FBXO42: variants seen among roughly 807,000 people sequenced by gnomAD.
FBXO42 encodes F-box only protein 42.
Under a neutral mutation model 71.7 loss-of-function variants are expected in FBXO42, and 12 were observed. The ratio of observed to expected loss-of-function variants is 0.17; its 90% confidence interval spans 0.11 to 0.27. The LOEUF is 0.27. Among genes scored for constraint, FBXO42 ranks in the 10% least tolerant of loss-of-function variants. The pLI is 1.00. For synonymous variants in FBXO42, 325 were observed against 327.5 expected (o/e 0.99, Z 0.08); for missense variants, 707 against 911.9 (o/e 0.78, Z 2.89).
chr1:16,300,633 T>C (rs1229095647), intron 3 of FBXO42, among the ~76,000 whole-genome samples: 1 of 152,158 alleles, frequency 6.6e-6, no homozygotes, highest in African/African-American at 2.4e-5. Context: ...AGAACATATT[T>C]GATAAGGTCT....
chr1:16,267,284 C>G (rs139813996), intron 4 of FBXO42, among the ~76,000 whole-genome samples: 1 of 152,226 alleles, frequency 6.6e-6, no homozygotes, highest in East Asian at 1.9e-4. Context: ...GATACAAGTA[C>G]ATAATGCTTT....
chr1:16,303,664 T>C (rs547782473), intron 3 of FBXO42, among the ~76,000 whole-genome samples: 2 of 151,698 alleles, frequency 1.3e-5, no homozygotes, highest in African/African-American at 4.8e-5. Flanking sequence ...GCCTCCCGGG[T>C]TCAAGTGATT....
At chr1:16,334,525 A>G (rs1249934762) in intron 1 of FBXO42, among the ~76,000 whole-genome samples, 1 of 152,096 alleles carries the variant, frequency 6.6e-6, no homozygotes, top group African/African-American at 2.4e-5. Context: ...GGTCTATGTT[A>G]AACAGTCCAC....
At chr1:16,288,451 A>AC (rs1170207717) in intron 4 of FBXO42, among the ~76,000 whole-genome samples, 5 of 139,842 alleles carry the variant, frequency 3.6e-5, no homozygotes, top group Admixed American at 3.4e-4. Context: ...AATAAAAATA[A>AC]AAATAATAAT....
Position 16,250,368 on chromosome 1 carries a change from A to AG in FBXO42, c.*301dup, listed in dbSNP as rs573646798. 2.8e-3 allele frequency: 432 copies of AG among 153,370 alleles called. 1 individual carries two copies. The highest frequency in any genetic ancestry group is 4.7e-3 in the Non-Finnish European group (322 of 68,558). 9.5% of individuals were successfully genotyped at this position (153,370 alleles called of 1,614,324 possible). On this transcript the variant is annotated 3_prime_UTR_variant, in exon 10 of 10. Coordinates refer to ENST00000375592, the MANE Select transcript of FBXO42 (RefSeq NM_018994.3). This position sits in a 1 kb window ranked among gnomAD's most constrained non-coding sequence, Gnocchi z 4.7. ...TCTCTAACTTCTTGGTCTAGTTACC[A>AG]GCAAGGTAGAAAAAGGCAGCCCAGC...
chr1:16,302,698 C>T (rs1057452393), intron 3 of FBXO42, among the ~76,000 whole-genome samples: 10 of 152,070 alleles, frequency 6.6e-5, no homozygotes, highest in Admixed American at 2.0e-4. Flanking sequence ...TTAGTAGAGA[C>T]GGGGTTTCAC....
At chr1:16,257,620 T>G (rs2081659720) in intron 4 of FBXO42, among the ~76,000 whole-genome samples, 1 of 152,242 alleles carries the variant, frequency 6.6e-6, no homozygotes, top group East Asian at 1.9e-4. Flanking sequence ...ACATGTCACC[T>G]TTAGTTTCCT....
intron 1 of FBXO42, among the ~76,000 whole-genome samples, chr1:16,343,048 C>G (rs2082621752): frequency 6.6e-6 from 1 of 152,146 alleles, no homozygotes; most frequent in Non-Finnish European, 1.5e-5. Context: ...AACCTCTTTT[C>G]TTTATATAAT....
chr1:16,298,855 T>C (rs999398968), intron 3 of FBXO42, among the ~76,000 whole-genome samples: 4 of 152,048 alleles, frequency 2.6e-5, no homozygotes, highest in African/African-American at 9.7e-5. Flanking sequence ...CATTATAACA[T>C]TGCTTAATAA....
intron 2 of FBXO42, among the ~76,000 whole-genome samples, chr1:16,308,163 T>A (rs1169035445): frequency 2.0e-5 from 3 of 152,070 alleles, no homozygotes; most frequent in Non-Finnish European, 2.9e-5. Context: ...TTTTTTTTAA[T>A]AGAGGTGGGG....
At chr1:16,271,673 C>T (rs941361088) in intron 4 of FBXO42, among the ~76,000 whole-genome samples, 3 of 152,122 alleles carry the variant, frequency 2.0e-5, no homozygotes, top group African/African-American at 7.2e-5. Context: ...CATGAACATG[C>T]CAAACTCTCT....
At chr1:16,337,217 C>T (rs1417344100) in intron 1 of FBXO42, among the ~76,000 whole-genome samples, 1 of 151,970 alleles carries the variant, frequency 6.6e-6, no homozygotes, top group African/African-American at 2.4e-5. Context: ...ATTCAGTAAG[C>T]CTCGGGTGGA....
At chr1:16,346,203 T>TAAAC (rs765469000) in intron 1 of FBXO42, among the ~76,000 whole-genome samples, 18 of 152,088 alleles carry the variant, frequency 1.2e-4, no homozygotes, top group Non-Finnish European at 2.5e-4. Context: ...AGCAAAAAAG[T>TAAAC]AAACACCCTA....
At chr1:16,263,999 C>T (rs1263899577) in intron 4 of FBXO42, among the ~76,000 whole-genome samples, 3 of 151,864 alleles carry the variant, frequency 2.0e-5, no homozygotes, top group East Asian at 2.0e-4. Flanking sequence ...TTAGTAGAGA[C>T]GAGGTTTCAC....
intron 4 of FBXO42, among the ~76,000 whole-genome samples, chr1:16,287,565 C>T (rs563111722): frequency 6.6e-6 from 1 of 152,304 alleles, no homozygotes; most frequent in South Asian, 2.1e-4. Flanking sequence ...AAGAATTTAA[C>T]TGAACAGAAG....
intron 4 of FBXO42, among the ~76,000 whole-genome samples, chr1:16,274,246 G>A (rs558941435): frequency 6.6e-5 from 10 of 151,886 alleles, no homozygotes; most frequent in South Asian, 6.2e-4. Context: ...CTGGAGCTGC[G>A]GTGAGCTATG....
intron 1 of FBXO42, among the ~76,000 whole-genome samples, chr1:16,340,437 C>G (rs2100631295): frequency 6.6e-6 from 1 of 152,078 alleles, no homozygotes; most frequent in East Asian, 1.9e-4. Context: ...TCTCCTGCCT[C>G]AGCCTCCCGA....
intron 4 of FBXO42, among the ~76,000 whole-genome samples, chr1:16,283,838 G>A (rs1420445159): frequency 2.0e-5 from 3 of 151,966 alleles, no homozygotes; most frequent in South Asian, 4.1e-4. Context: ...TTTTGCAAAT[G>A]GGTTTGGGTT....
chr1:16,250,196 C>G lies in FBXO42; in HGVS notation c.*474G>C, dbSNP rs1435175724. 1 of 152,210 alleles carries G rather than the reference C, an allele frequency of 6.6e-6. No homozygotes were observed. The highest frequency in any genetic ancestry group is 1.5e-5 in the Non-Finnish European group (1 of 68,048). 9.4% of individuals were successfully genotyped at this position (152,210 alleles called of 1,614,324 possible). ...GAAGGGGAAAAACAGTTACTTTTACCCCGACAGCACCTGAAGCATGAGAGT... is the reference window on the plus strand; with the variant it reads ...GAAGGGGAAAAACAGTTACTTTTACGCCGACAGCACCTGAAGCATGAGAGT... On this transcript the variant is annotated 3_prime_UTR_variant, in exon 10 of 10. Coordinates refer to ENST00000375592, the MANE Select transcript of FBXO42 (RefSeq NM_018994.3). This position sits in a 1 kb window ranked among gnomAD's most constrained non-coding sequence, Gnocchi z 4.7.
Sources: gnomAD v4.1 joint callset for allele counts (sites outside exome capture counted in the v4.1 genomes callset) on GRCh38, gnomAD v4.1.1 for gene constraint, Gnocchi (gnomAD v3.1) non-coding constraint, MANE v1.5 for transcripts, NCBI Gene and HGNC (gene_info 2026-07-23, HGNC 2026-07-21) for gene names.